The following PCMT1 variants were observed in gnomAD, a reference collection of about 807,000 sequenced individuals.
The protein encoded by PCMT1 is protein-L-isoaspartate (D-aspartate) O-methyltransferase.
A neutral mutation model predicts 29.2 loss-of-function variants in PCMT1; 9 were observed. The observed-to-expected ratio is 0.31, with a 90% CI of 0.19 to 0.54. PCMT1 has a LOEUF of 0.54. PCMT1 is among the 20% of genes least tolerant of loss of function. The probability of loss-of-function intolerance (pLI) is 0.95; values close to 1 mark genes in which losing one functional copy is unlikely to be tolerated. For synonymous variants in PCMT1, 98 were observed against 97.5 expected (o/e 1.00, Z -0.03); for missense variants, 184 against 282.2 (o/e 0.65, Z 2.49).
At chr6:149,773,888 TTAAGTA>T (rs1465286367) in intron 3 of PCMT1, among the ~76,000 whole-genome samples, 1 of 152,236 alleles carries the variant, frequency 6.6e-6, no homozygotes, top group African/African-American at 2.4e-5. Flanking sequence ...TAGGGAGTGG[TTAAGTA>T]TAAGAGCCAT....
chr6:149,785,959 G>A (rs1191267509), intron 3 of PCMT1, among the ~76,000 whole-genome samples: 11 of 151,148 alleles, frequency 7.3e-5, no homozygotes, highest in African/African-American at 2.4e-4. Flanking sequence ...GGGCAGAGGG[G>A]CTCCTCACTT....
At chr6:149,808,895 C>A (rs558755420) in intron 7 of PCMT1, among the ~76,000 whole-genome samples, 1 of 150,708 alleles carries the variant, frequency 6.6e-6, no homozygotes, top group South Asian at 2.1e-4. Context: ...CTTGGCCTCC[C>A]AAAGTGCTGG....
chr6:149,758,312 G>A (rs1786600062), intron 1 of PCMT1, among the ~76,000 whole-genome samples: 1 of 149,362 alleles, frequency 6.7e-6, no homozygotes, highest in African/African-American at 2.5e-5. Flanking sequence ...CCCGGTTCAA[G>A]CAATTCTCCT....
intron 1 of PCMT1, chr6:149,750,233 G>A: frequency 1.9e-6 from 1 of 536,284 alleles, no homozygotes; most frequent in South Asian, 2.4e-5. Flanking sequence ...CTGGGGGAGG[G>A]AGTGCAGTAC....
intron 3 of PCMT1, among the ~76,000 whole-genome samples, chr6:149,786,393 GGGT>G: frequency 7.4e-6 from 1 of 135,990 alleles, no homozygotes; most frequent in South Asian, 2.7e-4. Flanking sequence ...CTCCCGGACG[GGGT>G]GGCTGGCCGG....
intron 1 of PCMT1, among the ~76,000 whole-genome samples, chr6:149,761,828 T>C (rs1786753885): frequency 1.3e-5 from 2 of 152,198 alleles, no homozygotes; most frequent in South Asian, 4.1e-4. Flanking sequence ...TTTTGAGCAG[T>C]AAATAAATCT....
At chr6:149,775,359 C>G (rs1298142513) in intron 3 of PCMT1, among the ~76,000 whole-genome samples, 1 of 151,916 alleles carries the variant, frequency 6.6e-6, no homozygotes, top group Non-Finnish European at 1.5e-5. Context: ...CATTTTGAAA[C>G]TTACATATCT....
Position 149,758,208 on chromosome 6 carries a change from C to CTTTCTTTTTTTTTTTTTTTTTTTTT in PCMT1, c.55+8255_55+8256insCTTTTTTTTTTTTTTTTTTTTTTTT, listed in dbSNP as rs1554251094. Among the ~76,000 whole-genome samples, 36 of 73,898 alleles carry CTTTCTTTTTTTTTTTTTTTTTTTTT rather than the reference C, an allele frequency of 4.9e-4. 2 individuals carry two copies. Among genetic ancestry groups the CTTTCTTTTTTTTTTTTTTTTTTTTT allele is most frequent in the African/African-American group, 6.4e-4 (12 of 18,896 alleles). The allele number at this position is 73,898 out of a possible 152,430, so 48.5% of individuals were successfully genotyped here. A position where few individuals can be genotyped will look rare whatever the true frequency, so the allele number is the denominator to read the frequency against. On this transcript the variant is annotated intron_variant, in intron 1 of 7. Coordinates refer to ENST00000464889, the MANE Select transcript of PCMT1 (RefSeq NM_001360452.2). Reference sequence around the variant, plus strand: ...CAATTTTTTTTTTCTTTCTTTCTTTCTTTTTTTTTTTTTTTTTTCTGAGAC... The same window carrying CTTTCTTTTTTTTTTTTTTTTTTTTT: ...CAATTTTTTTTTTCTTTCTTTCTTTCTTTCTTTTTTTTTTTTTTTTTTTTTTTTTTTTTTTTTTTTTTTCTGAGAC...
intron 1 of PCMT1, among the ~76,000 whole-genome samples, chr6:149,760,906 G>T (rs908407535): frequency 6.6e-6 from 1 of 152,052 alleles, no homozygotes; most frequent in Non-Finnish European, 1.5e-5. Context: ...TAATTTCTAC[G>T]TATGTTCCAT....
intron 1 of PCMT1, among the ~76,000 whole-genome samples, chr6:149,752,677 G>A (rs1467272417): frequency 6.6e-6 from 1 of 152,166 alleles, no homozygotes; most frequent in Non-Finnish European, 1.5e-5. Flanking sequence ...TGATCTCAGT[G>A]CCTTCTATTG....
chr6:149,755,934 C>T (rs546505560), intron 1 of PCMT1, among the ~76,000 whole-genome samples: 1 of 152,276 alleles, frequency 6.6e-6, no homozygotes, highest in South Asian at 2.1e-4. Flanking sequence ...GGAGTAGACA[C>T]ATATCACGCA....
chr6:149,808,159 G>C (rs938241410), intron 7 of PCMT1, among the ~76,000 whole-genome samples: 1 of 151,914 alleles, frequency 6.6e-6, no homozygotes, highest in African/African-American at 2.4e-5. Flanking sequence ...TAGTATCATA[G>C]AGTTAATAAA....
intron 3 of PCMT1, among the ~76,000 whole-genome samples, chr6:149,785,355 CTT>C (rs11310169): frequency 0.26 from 18,397 of 71,872 alleles, 1,513 homozygotes; most frequent in East Asian, 0.39. Flanking sequence ...TGGCTGTTTT[CTT>C]TTTTTTTTTT....
chr6:149,773,600 G>C (rs1456882761), intron 3 of PCMT1, among the ~76,000 whole-genome samples: 1 of 152,084 alleles, frequency 6.6e-6, no homozygotes, highest in Admixed American at 6.6e-5. Flanking sequence ...GGATGGTCTC[G>C]ATCTCCTGAC....
intron 4 of PCMT1, among the ~76,000 whole-genome samples, chr6:149,792,888 T>A (rs1284800103): frequency 7.9e-5 from 12 of 151,970 alleles, no homozygotes; most frequent in Admixed American, 7.9e-4. Flanking sequence ...AGGCAGGGTG[T>A]GTGGTGGCTC....
intron 3 of PCMT1, among the ~76,000 whole-genome samples, chr6:149,788,457 T>G (rs954190485): frequency 1.3e-5 from 2 of 152,372 alleles, no homozygotes; most frequent in African/African-American, 4.8e-5. Flanking sequence ...TATTCTTTTA[T>G]GACCTTGAAA....
chr6:149,791,475 C>T (rs1008232593), intron 4 of PCMT1, among the ~76,000 whole-genome samples: 6 of 152,112 alleles, frequency 3.9e-5, no homozygotes, highest in Non-Finnish European at 5.9e-5. Context: ...TGAGAAATAT[C>T]GTGCCTGGAG....
chr6:149,806,380 G>T (rs1266057673), intron 7 of PCMT1, among the ~76,000 whole-genome samples: 1 of 152,188 alleles, frequency 6.6e-6, no homozygotes, highest in Non-Finnish European at 1.5e-5. Flanking sequence ...AGTCGAGTCA[G>T]AAACAGGAAG....
intron 7 of PCMT1, among the ~76,000 whole-genome samples, chr6:149,809,070 C>T (rs1030129233): frequency 4.7e-5 from 7 of 149,800 alleles, no homozygotes; most frequent in South Asian, 2.1e-4. Context: ...GCCTGAGCAA[C>T]GTGGTGAAAC....
Sources: gnomAD v4.1 joint callset for allele counts (sites outside exome capture counted in the v4.1 genomes callset) on GRCh38, gnomAD v4.1.1 for gene constraint, MANE v1.5 for transcripts, NCBI Gene and HGNC (gene_info 2026-07-23, HGNC 2026-07-21) for gene names.